Variants in SH3BP4 observed in about 807,000 individuals in gnomAD.
SH3BP4 encodes the protein SH3 domain binding protein 4, also known as SH3 domain-binding protein 4.
A neutral mutation model predicts 65.5 loss-of-function variants in SH3BP4; 33 were observed. That is an observed-to-expected ratio of 0.50 (90% CI 0.38 to 0.67). The LOEUF (loss-of-function observed/expected upper bound fraction) is 0.67, where lower values mean the gene tolerates loss of function less well. Ranked by LOEUF, SH3BP4 falls within the 30% of genes least tolerant of loss-of-function variation. SH3BP4 has a pLI of 0.00. For missense variants in SH3BP4, 1,134 were observed against 1,261.4 expected (o/e 0.90, Z 1.53); for synonymous variants, 552 against 545.5 (o/e 1.01, Z -0.17).
chr2:234,995,553 G>C (rs1215687123), intron 2 of SH3BP4, 177 bp downstream of exon 2: 2 of 152,350 alleles, frequency 1.3e-5, no homozygotes, highest in South Asian at 2.1e-4. Context: ...GGCACTGCAG[G>C]CCTGTCCCTC....
Position 234,974,264 on chromosome 2 carries a change from C to A in SH3BP4, c.-206-21039C>A, listed in dbSNP as rs2106249714. 6.6e-6 allele frequency among the ~76,000 whole-genome samples: 1 copy of A among 152,136 alleles called. No individual in the cohort carries two copies. Among genetic ancestry groups the A allele is most frequent in the East Asian group, 1.9e-4 (1 of 5,152 alleles). Reference sequence around the variant, plus strand: ...CCTGTAATCCCAACTACTCAGGAGGCTGAAGCAGGAGAATCACTTGAACCC... The same window carrying A: ...CCTGTAATCCCAACTACTCAGGAGGATGAAGCAGGAGAATCACTTGAACCC... On this transcript the variant is annotated intron_variant, in intron 1 of 5. Coordinates refer to ENST00000392011, the MANE Select transcript of SH3BP4 (RefSeq NM_014521.3). This position sits in a 1 kb window ranked among gnomAD's most constrained non-coding sequence, Gnocchi z 4.6.
intron 2 of SH3BP4, among the ~76,000 whole-genome samples, chr2:235,019,434 T>A (rs1401537536): frequency 1.4e-3 from 87 of 60,298 alleles, no homozygotes; most frequent in Non-Finnish European, 2.2e-3. Flanking sequence ...GAAGGGCGAA[T>A]TTTTTTTTTT....
chr2:234,966,471 C>T (rs759822517), intron 1 of SH3BP4, among the ~76,000 whole-genome samples: 1 of 152,160 alleles, frequency 6.6e-6, no homozygotes, highest in Non-Finnish European at 1.5e-5. Flanking sequence ...CTTTCTTAAT[C>T]CTCAGGAAAA....
At chr2:234,982,242 G>A (rs1198570569) in intron 1 of SH3BP4, among the ~76,000 whole-genome samples, 4 of 152,174 alleles carry the variant, frequency 2.6e-5, no homozygotes, top group East Asian at 1.9e-4. Flanking sequence ...CCAGCTGAGC[G>A]GGGCATCGCT....
At chr2:234,958,313 T>A (rs538629122) in intron 1 of SH3BP4, among the ~76,000 whole-genome samples, 2 of 152,050 alleles carry the variant, frequency 1.3e-5, no homozygotes, top group Non-Finnish European at 2.9e-5. Context: ...GCAGTAAGCA[T>A]GTGGGAGGGA....
intron 1 of SH3BP4, among the ~76,000 whole-genome samples, chr2:234,973,249 C>G (rs982155138): frequency 1.3e-5 from 2 of 152,172 alleles, no homozygotes; most frequent in Non-Finnish European, 2.9e-5. Context: ...CACCATCCAC[C>G]TGTGAGCCAT....
intron 4 of SH3BP4, among the ~76,000 whole-genome samples, chr2:235,050,445 A>C (rs1262245449): frequency 6.6e-6 from 1 of 152,166 alleles, no homozygotes; most frequent in African/African-American, 2.4e-5. Context: ...AGCTTCTACA[A>C]AAACAAACGG....
At chr2:234,986,226 T>G (rs1156596042) in intron 1 of SH3BP4, among the ~76,000 whole-genome samples, 3 of 152,184 alleles carry the variant, frequency 2.0e-5, no homozygotes, top group Non-Finnish European at 4.4e-5. Context: ...CTCCCTACCC[T>G]GAGTTGAGGA....
intron 2 of SH3BP4, among the ~76,000 whole-genome samples, chr2:235,029,231 A>G (rs1695099723): frequency 6.6e-6 from 1 of 152,150 alleles, no homozygotes; most frequent in Admixed American, 6.5e-5. Flanking sequence ...GGCAGGGAAG[A>G]CGGAGAGGGA....
chr2:235,013,383 T>C (rs1404435562), intron 2 of SH3BP4, among the ~76,000 whole-genome samples: 4 of 152,204 alleles, frequency 2.6e-5, no homozygotes, highest in Admixed American at 1.3e-4. Flanking sequence ...GTCCATGTGC[T>C]TCCCAGCACT....
chr2:234,999,604 A>C (rs1559238007), intron 2 of SH3BP4, among the ~76,000 whole-genome samples: 1 of 152,344 alleles, frequency 6.6e-6, no homozygotes, highest in East Asian at 1.9e-4. Context: ...AATTATTGGC[A>C]CAATAGCATG....
Position 234,952,175 on chromosome 2 carries a change from G to T in SH3BP4, c.-207+5G>T, listed in dbSNP as rs1692484601. The T allele has an allele frequency of 6.7e-6, 1 of 149,768 alleles. No individual in the cohort carries two copies. The highest frequency in any genetic ancestry group is 2.4e-5 in the African/African-American group (1 of 41,110). The allele number at this position is 149,768 out of a possible 1,614,324, so 9.3% of individuals were successfully genotyped here. A position where few individuals can be genotyped will look rare whatever the true frequency, so the allele number is the denominator to read the frequency against. On this transcript the variant is annotated splice_donor_5th_base_variant and intron_variant, in intron 1 of 5. Coordinates refer to ENST00000392011, the MANE Select transcript of SH3BP4 (RefSeq NM_014521.3). The surrounding 1 kb of genome is among the most constrained non-coding windows in gnomAD (Gnocchi z 6.5). ...CGGGGACGCCATGCGAGCCAGGTAG[G>T]CAGGCGGCGGCGGGGAGCGCCTCGG...
intron 2 of SH3BP4, among the ~76,000 whole-genome samples, chr2:235,011,930 G>A (rs754145894): frequency 1.3e-5 from 2 of 152,216 alleles, no homozygotes; most frequent in Non-Finnish European, 2.9e-5. Context: ...TGGGGGATGG[G>A]ATTCTGAGAG....
intron 1 of SH3BP4, among the ~76,000 whole-genome samples, chr2:234,987,567 C>G (rs748113949): frequency 1.4e-4 from 22 of 152,200 alleles, no homozygotes; most frequent in African/African-American, 3.1e-4. Flanking sequence ...CCGCCTCCCC[C>G]CAACATGGGC....
chr2:234,967,109 C>A lies in SH3BP4; in HGVS notation c.-207+14939C>A, dbSNP rs747750465. 6.6e-6 allele frequency among the ~76,000 whole-genome samples: 1 copy of A among 152,094 alleles called. No individual in the cohort carries two copies. The highest frequency in any genetic ancestry group is 2.4e-5 in the African/African-American group (1 of 41,416). ...CTCTTACTGTCTCTGTTTAACAGAT[C>A]GGGAAACTGAGGAACCATGGGGTTT... On this transcript the variant is annotated intron_variant, in intron 1 of 5. Transcript: ENST00000392011. The surrounding 1 kb of genome is among the most constrained non-coding windows in gnomAD (Gnocchi z 4.6).
chr2:235,048,358 T>A (rs1157174756), intron 4 of SH3BP4, among the ~76,000 whole-genome samples: 1 of 152,136 alleles, frequency 6.6e-6, no homozygotes, highest in Non-Finnish European at 1.5e-5. Context: ...TGAGAAAAGG[T>A]CTCGCTCTGT....
intron 1 of SH3BP4, among the ~76,000 whole-genome samples, chr2:234,970,655 C>G (rs1316928330): frequency 6.6e-6 from 1 of 152,224 alleles, no homozygotes; most frequent in African/African-American, 2.4e-5. Context: ...CGCCTTCCCT[C>G]GGGGCGCCCG....
chr2:235,015,282 C>G (rs1324108001), intron 2 of SH3BP4, among the ~76,000 whole-genome samples: 1 of 152,228 alleles, frequency 6.6e-6, no homozygotes, highest in Non-Finnish European at 1.5e-5. Context: ...AACAAACTTT[C>G]ACAGACTTTG....
At chr2:235,014,717 G>T (rs916158481) in intron 2 of SH3BP4, among the ~76,000 whole-genome samples, 1 of 152,094 alleles carries the variant, frequency 6.6e-6, no homozygotes, top group Admixed American at 6.6e-5. Context: ...TTCCTTGTTT[G>T]CATCTCTCTG....
Sources: gnomAD v4.1 joint callset for allele counts (sites outside exome capture counted in the v4.1 genomes callset) on GRCh38, gnomAD v4.1.1 for gene constraint, Gnocchi (gnomAD v3.1) non-coding constraint, MANE v1.5 for transcripts, NCBI Gene and HGNC (gene_info 2026-07-23, HGNC 2026-07-21) for gene names.